The following GABRG1 variants were observed in gnomAD, a reference collection of about 807,000 sequenced individuals.
GABRG1 encodes gamma-aminobutyric acid receptor subunit gamma-1.
In GABRG1, 49 loss-of-function variants were observed where a neutral mutation model predicts 49.8. The observed-to-expected ratio is 0.98, with a 90% CI of 0.78 to 1.25. GABRG1 has a LOEUF of 1.25. GABRG1 is among the 50% of genes most tolerant of loss of function. The probability of loss-of-function intolerance (pLI) is 0.00; values close to 1 mark genes in which losing one functional copy is unlikely to be tolerated. For synonymous variants in GABRG1, 232 were observed against 185.1 expected, an observed-to-expected ratio of 1.25 and a Z score of -2.06; for missense variants, 552 against 552.3, an observed-to-expected ratio of 1.00 and a Z score of 0.01.
intron 3 of GABRG1, among the ~76,000 whole-genome samples, chr4:46,073,748 A>G (rs1400100983): frequency 6.6e-6 from 1 of 152,100 alleles, no homozygotes; most frequent in Admixed American, 6.6e-5. Context: ...AGTACCTATG[A>G]TAATGTTCAA....
intron 8 of GABRG1, among the ~76,000 whole-genome samples, chr4:46,050,156 A>G (rs1202083818): frequency 1.3e-5 from 2 of 151,884 alleles, no homozygotes; most frequent in Non-Finnish European, 2.9e-5. Flanking sequence ...TTGACTTCTG[A>G]TTTGTCCATT....
intron 5 of GABRG1, among the ~76,000 whole-genome samples, chr4:46,062,819 G>A (rs1197396862): frequency 8.5e-5 from 13 of 152,116 alleles, no homozygotes. Flanking sequence ...ATTCAGCAAA[G>A]TCTCAGGATA....
intron 3 of GABRG1, among the ~76,000 whole-genome samples, chr4:46,083,622 G>GTGCA (rs1267280125): frequency 6.6e-6 from 1 of 151,338 alleles, no homozygotes; most frequent in Non-Finnish European, 1.5e-5. Context: ...CTGTGACTTT[G>GTGCA]TGCATGCTGC....
chr4:46,087,442 T>TA (rs1375220373), intron 2 of GABRG1, among the ~76,000 whole-genome samples: 1 of 151,442 alleles, frequency 6.6e-6, no homozygotes, highest in African/African-American at 2.4e-5. Context: ...AAGTCATTAA[T>TA]AAAAAAGATA....
chr4:46,105,923 G>T (rs1334929294), intron 1 of GABRG1, among the ~76,000 whole-genome samples: 1 of 151,402 alleles, frequency 6.6e-6, no homozygotes, highest in African/African-American at 2.4e-5. Flanking sequence ...AAGTGAAGGA[G>T]TCCTATTTCA....
chr4:46,076,282 A>G (rs1719322125), intron 3 of GABRG1, among the ~76,000 whole-genome samples: 1 of 148,828 alleles, frequency 6.7e-6, no homozygotes, highest in East Asian at 2.0e-4. Flanking sequence ...CAACTAACAT[A>G]TGTATCTCTA....
At chr4:46,092,966 G>A (rs533904560) in intron 2 of GABRG1, among the ~76,000 whole-genome samples, 1 of 151,510 alleles carries the variant, frequency 6.6e-6, no homozygotes, top group African/African-American at 2.4e-5. Context: ...CTACTCAGGA[G>A]GCTGAGACAG....
At chr4:46,078,430 T>C (rs1284765335) in intron 3 of GABRG1, among the ~76,000 whole-genome samples, 1 of 151,816 alleles carries the variant, frequency 6.6e-6, no homozygotes, top group East Asian at 1.9e-4. Flanking sequence ...AAAGGTTTTA[T>C]CTCCTAAAAC....
At chr4:46,099,596 G>T (rs540583775) in intron 1 of GABRG1, among the ~76,000 whole-genome samples, 1 of 151,596 alleles carries the variant, frequency 6.6e-6, no homozygotes, top group Non-Finnish European at 1.5e-5. Context: ...AGTAACATAC[G>T]CCTCAGTTCT....
rs1717586301 is a variant in GABRG1 at position 46,037,777 on chromosome 4, A to C, written c.*3211T>G. 6.6e-6 allele frequency: 1 copy of C among 151,682 alleles called. No homozygotes were observed. Among genetic ancestry groups the C allele is most frequent in the Admixed American group, 6.6e-5 (1 of 15,156 alleles). The allele number at this position is 151,682 out of a possible 1,614,324, so 9.4% of individuals were successfully genotyped here. On this transcript the variant is annotated 3_prime_UTR_variant, in exon 9 of 9. Coordinates refer to ENST00000295452, the MANE Select transcript of GABRG1 (RefSeq NM_173536.4). The stretch of plus-strand genomic sequence containing the variant: ...TCTTATTTAAAGCTCCTCTCTTGTA[A>C]AATCAAAGTGTTTTGTGTATTTTTC...
At chr4:46,052,417 A>C (rs1333987230) in intron 7 of GABRG1, among the ~76,000 whole-genome samples, 1 of 151,850 alleles carries the variant, frequency 6.6e-6, no homozygotes, top group African/African-American at 2.4e-5. Flanking sequence ...TGTTTAAGTG[A>C]GGAATACTGG....
chr4:46,072,071 C>G (rs183814233), intron 3 of GABRG1, among the ~76,000 whole-genome samples: 2 of 152,090 alleles, frequency 1.3e-5, no homozygotes, highest in African/African-American at 4.8e-5. Context: ...CCATTTTTAT[C>G]TTTTATACCA....
At chr4:46,084,383 G>A (rs1719680180) in intron 2 of GABRG1, among the ~76,000 whole-genome samples, 1 of 151,538 alleles carries the variant, frequency 6.6e-6, no homozygotes, top group African/African-American at 2.4e-5. Context: ...CTATATGACC[G>A]AGTACTTATC....
At chr4:46,111,613 C>A (rs1299685933) in intron 1 of GABRG1, among the ~76,000 whole-genome samples, 1 of 151,256 alleles carries the variant, frequency 6.6e-6, no homozygotes, top group Non-Finnish European at 1.5e-5. Context: ...CTGCAGTAAC[C>A]AAAACAGCAT....
At position 46,123,870 on chromosome 4, in the gene GABRG1, C is replaced by T. The variant is rs1281060244; in HGVS notation, c.44G>A (p.Arg15Gln). 1 of 1,613,632 alleles carries T rather than the reference C, an allele frequency of 6.2e-7. No individual in the cohort carries two copies. Among genetic ancestry groups the T allele is most frequent in the East Asian group, 2.2e-5 (1 of 44,834 alleles). The change falls in exon 1 of 9, where the codon CGG (arginine) becomes CAG (glutamine). Residue 15 changes from arginine to glutamine, a missense_variant. Physicochemically the swap from Arg to Gln is conservative, Grantham distance 43. Transcript: ENST00000295452. ...KAFLFSPFLL[R>Q]SQSRGVRLVF... ...CAACCTCACCCCTCTACTTTGACTC[C>T]GCAGAAGAAAAGGGGAGAAGAGAAA...
At chr4:46,091,535 A>G (rs1274553215) in intron 2 of GABRG1, among the ~76,000 whole-genome samples, 1 of 152,132 alleles carries the variant, frequency 6.6e-6, no homozygotes, top group Admixed American at 6.6e-5. Context: ...ATAAGAAAAT[A>G]GAAGAAAAGA....
chr4:46,105,307 G>GA (rs1256572438), intron 1 of GABRG1, among the ~76,000 whole-genome samples: 1 of 151,296 alleles, frequency 6.6e-6, no homozygotes, highest in Non-Finnish European at 1.5e-5. Flanking sequence ...AAAAGAAAAC[G>GA]AAAAAACCAA....
intron 8 of GABRG1, among the ~76,000 whole-genome samples, chr4:46,045,354 T>A (rs532759206): frequency 6.6e-6 from 1 of 151,848 alleles, no homozygotes; most frequent in South Asian, 2.1e-4. Flanking sequence ...TATGGAAAAA[T>A]GGCTTAAAAT....
chr4:46,085,704 T>G (rs1169457817), intron 2 of GABRG1, among the ~76,000 whole-genome samples: 1 of 151,518 alleles, frequency 6.6e-6, no homozygotes, highest in Non-Finnish European at 1.5e-5. Flanking sequence ...AAATCTGTAA[T>G]TGCTTCTTAA....
Sources: gnomAD v4.1 joint callset for allele counts (sites outside exome capture counted in the v4.1 genomes callset) on GRCh38, gnomAD v4.1.1 for gene constraint, MANE v1.5 for transcripts, NCBI Gene and HGNC (gene_info 2026-07-23, HGNC 2026-07-21) for gene names.